MACO1: variants seen among roughly 807,000 people sequenced by gnomAD.
The protein encoded by MACO1 is macoilin.
Under a neutral mutation model 78.7 loss-of-function variants are expected in MACO1, and 14 were observed. The observed-to-expected ratio is 0.18, with a 90% CI of 0.12 to 0.28. MACO1 has a LOEUF of 0.28. Ranked by LOEUF, MACO1 falls within the 10% of genes least tolerant of loss-of-function variation. MACO1 has a pLI of 1.00. For missense variants in MACO1, 501 were observed against 799.0 expected (o/e 0.63, Z 4.50); for synonymous variants, 288 against 291.6 (o/e 0.99, Z 0.12).
At chr1:25,475,346 A>G (rs572440570) in intron 6 of MACO1, among the ~76,000 whole-genome samples, 2 of 152,168 alleles carry the variant, frequency 1.3e-5, no homozygotes, top group African/African-American at 2.4e-5. Context: ...CTCGGTCTCA[A>G]AAACAAACAA....
In MACO1 at chr1:25,458,596, T is replaced by G. The variant is rs762760866; in HGVS notation, c.858T>G (p.Ile286Met). Reference protein sequence around the residue: ...LQPVDSKIQEIEYMENHINSK... With the variant: ...LQPVDSKIQEMEYMENHINSK... ...CTGTAGACTCTAAAATACAAGAGAT[T>G]GAGTATATGGAAAACCATATCAATA... Residue 286 changes from isoleucine (I) to methionine (M), a missense_variant, in exon 6 of 11, where the codon ATT becomes ATG. Transcript: ENST00000374343. The G allele has an allele frequency of 1.2e-6, 2 of 1,613,754 alleles. No homozygotes were observed. The highest frequency in any genetic ancestry group is 8.5e-7 in the Non-Finnish European group (1 of 1,179,918).
intron 6 of MACO1, among the ~76,000 whole-genome samples, chr1:25,463,412 T>A (rs2043188453): frequency 6.6e-6 from 1 of 152,236 alleles, no homozygotes; most frequent in South Asian, 2.1e-4. Context: ...CCAAAGGCAG[T>A]CTGGAGTACT....
In MACO1 at chr1:25,461,897, A is replaced by G. The variant is rs368607985; in HGVS notation, c.1154+3005A>G. ...TTTTCATACATTTTCACATTTTTCTATGATGAACAGCAATGAAAGAGTTTA... is the reference window on the plus strand; with the variant it reads ...TTTTCATACATTTTCACATTTTTCTGTGATGAACAGCAATGAAAGAGTTTA... On this transcript the variant is annotated intron_variant, in intron 6 of 10. Transcript: ENST00000374343. 4.6e-5 allele frequency among the ~76,000 whole-genome samples: 7 copies of G among 152,262 alleles called. No homozygotes were observed. In the East Asian group the frequency reaches 1.2e-3, roughly 25 times the overall value.
intron 3 of MACO1, among the ~76,000 whole-genome samples, chr1:25,451,374 A>C (rs2043064627): frequency 6.6e-6 from 1 of 152,200 alleles, no homozygotes; most frequent in Admixed American, 6.5e-5. Flanking sequence ...TACGTACAAT[A>C]TGATTATTAT....
At chr1:25,461,008 A>G (rs940725196) in intron 6 of MACO1, among the ~76,000 whole-genome samples, 10 of 152,068 alleles carry the variant, frequency 6.6e-5, no homozygotes, top group Non-Finnish European at 1.2e-4. Context: ...TGGCACATAT[A>G]CACCATGGAA....
chr1:25,451,678 G>A lies in MACO1; in HGVS notation c.350-2581G>A, dbSNP rs1033877830. ...TCCCAGCACTTTGGGAGGCCAAGGC[G>A]GGTGGATCATTTGAATTCAGGAGTT... On this transcript the variant is annotated intron_variant, in intron 3 of 10. Coordinates refer to ENST00000374343, the MANE Select transcript of MACO1 (RefSeq NM_018202.6). Among the ~76,000 whole-genome samples the A allele has an allele frequency of 2.6e-5, 4 of 152,186 alleles. No individual in the cohort carries two copies. In the South Asian group the frequency reaches 6.2e-4, roughly 24 times the overall value.
At chr1:25,493,863 G>A (rs2043510804) in intron 10 of MACO1, among the ~76,000 whole-genome samples, 2 of 151,458 alleles carry the variant, frequency 1.3e-5, no homozygotes, top group Admixed American at 1.3e-4. Flanking sequence ...CTCCCGAGTA[G>A]CTGGGACTAC....
At chr1:25,491,671 C>A in intron 10 of MACO1, 87 bp downstream of exon 10, 2 of 1,145,524 alleles carry the variant, frequency 1.7e-6, no homozygotes, top group Non-Finnish European at 2.5e-6. Flanking sequence ...AGCTCTCAAC[C>A]AAGGGGCATT....
chr1:25,442,125 T>C (rs1302924581), intron 1 of MACO1, among the ~76,000 whole-genome samples: 1 of 152,194 alleles, frequency 6.6e-6, no homozygotes, highest in Non-Finnish European at 1.5e-5. Context: ...AGCTAATATG[T>C]GATGGTGATT....
At chr1:25,445,420 A>T (rs1187881190) in intron 1 of MACO1, among the ~76,000 whole-genome samples, 1 of 152,160 alleles carries the variant, frequency 6.6e-6, no homozygotes, top group Admixed American at 6.5e-5. Flanking sequence ...TTAGAAATCG[A>T]CCCTAGATGA....
intron 6 of MACO1, among the ~76,000 whole-genome samples, chr1:25,466,231 A>G (rs115579417): frequency 0.014 from 2,061 of 152,296 alleles, 54 homozygotes; most frequent in African/African-American, 0.047. Context: ...TCTCACCAGC[A>G]GTGTTTAAGG....
At chr1:25,465,608 G>A (rs754368828) in intron 6 of MACO1, among the ~76,000 whole-genome samples, 1 of 152,186 alleles carries the variant, frequency 6.6e-6, no homozygotes, top group Non-Finnish European at 1.5e-5. Flanking sequence ...TGAGGTGTCT[G>A]TTAAAGTCTT....
intron 1 of MACO1, among the ~76,000 whole-genome samples, chr1:25,432,258 TTAACA>T (rs2042882138): frequency 6.6e-6 from 1 of 152,242 alleles, no homozygotes; most frequent in Admixed American, 6.5e-5. Flanking sequence ...CCAAGTTGTC[TTAACA>T]TAACTGTACA....
intron 9 of MACO1, among the ~76,000 whole-genome samples, 183 bp downstream of exon 9, chr1:25,489,476 T>C (rs2043465147): frequency 2.0e-5 from 3 of 152,250 alleles, no homozygotes. Context: ...TCAAGTCATA[T>C]TAATGTAGCC....
In MACO1 at chr1:25,456,591, G is replaced by A. The variant is rs1410419023; in HGVS notation, c.474-62G>A. ...TTTTAAGCCATAGGTATTCTCATGT[G>A]CTTGAGGCACATGTGGTTCATTTTA... On this transcript the variant is annotated intron_variant, in intron 4 of 10. Transcript: ENST00000374343. 3.4e-5 allele frequency: 53 copies of A among 1,544,828 alleles called. No individual in the cohort carries two copies. The South Asian group carries it at 6.1e-4, about 18-fold the overall frequency.
intron 3 of MACO1, among the ~76,000 whole-genome samples, chr1:25,449,727 A>G (rs2043047839): frequency 6.6e-6 from 1 of 152,158 alleles, no homozygotes; most frequent in Non-Finnish European, 1.5e-5. Flanking sequence ...TTTCCTTAAA[A>G]TGTCAAGGGG....
chr1:25,491,213 T>C lies in MACO1; in HGVS notation c.1618-197T>C, dbSNP rs115337209. ...ACACATGCCCAGCACAGTCAAATGA[T>C]CATCTTCTAAATATTTTTGTATGTG... is the stretch of plus-strand genomic sequence containing the variant. On this transcript the variant is annotated intron_variant, in intron 9 of 10. Coordinates refer to ENST00000374343, the MANE Select transcript of MACO1 (RefSeq NM_018202.6). 1,204 of 200,036 alleles carry C rather than the reference T, an allele frequency of 6.0e-3. 6 individuals are homozygous for C. Among genetic ancestry groups the C allele is most frequent in the Middle Eastern group, 0.01 (4 of 386 alleles). The allele number at this position is 200,036 out of a possible 1,614,324, so 12.4% of individuals were successfully genotyped here. A position where few individuals can be genotyped will look rare whatever the true frequency, so the allele number is the denominator to read the frequency against.
chr1:25,446,999 G>A, intron 2 of MACO1, 96 bp downstream of exon 2: 1 of 1,411,166 alleles, frequency 7.1e-7, no homozygotes, highest in Non-Finnish European at 9.4e-7. Flanking sequence ...GTTAGGATTA[G>A]CTAATAGGGT....
chr1:25,438,866 T>C (rs1181353892), intron 1 of MACO1, among the ~76,000 whole-genome samples: 2 of 151,510 alleles, frequency 1.3e-5, no homozygotes, highest in African/African-American at 4.9e-5. Context: ...GCCACTGCAC[T>C]CCAGCCTAGG....
Sources: allele counts gnomAD v4.1 joint callset (sites outside exome capture counted in the v4.1 genomes callset), GRCh38; gene constraint gnomAD v4.1.1; transcripts MANE v1.5; gene names NCBI Gene and HGNC (gene_info 2026-07-23, HGNC 2026-07-21).